The following NUCB2 variants were observed in gnomAD, a reference collection of about 807,000 sequenced individuals.
The protein encoded by NUCB2 is nucleobindin 2.
Under a neutral mutation model 57.9 loss-of-function variants are expected in NUCB2, and 48 were observed. That is an observed-to-expected ratio of 0.83 (90% CI 0.66 to 1.05). NUCB2 has a LOEUF of 1.05. Ranked by LOEUF, NUCB2 falls within the 50% of genes least tolerant of loss-of-function variation. NUCB2 has a pLI of 0.00. For missense variants in NUCB2, 442 were observed against 476.2 expected (o/e 0.93, Z 0.67); for synonymous variants, 139 against 152.1 (o/e 0.91, Z 0.64).
chr11:17,342,044 G>A (rs1952315690), intron 2 of NUCB2, among the ~76,000 whole-genome samples: 1 of 152,126 alleles, frequency 6.6e-6, no homozygotes, highest in Non-Finnish European at 1.5e-5. Flanking sequence ...TTTAGTCTTG[G>A]GAGGGTGTAT....
At chr11:17,341,027 TC>T (rs1952221351) in intron 2 of NUCB2, among the ~76,000 whole-genome samples, 1 of 152,192 alleles carries the variant, frequency 6.6e-6, no homozygotes, top group Non-Finnish European at 1.5e-5. Flanking sequence ...CTCGAAGAGG[TC>T]CTTCACGTCC....
In NUCB2 at chr11:17,330,239, A is replaced by G; in HGVS notation, c.1115A>G (p.Lys372Arg). ...AAGGCAGATGAGCTTCAGAAACAAAAAGAAGAGCTACAACGTCAGCATGAT... is the reference window on the plus strand; with the variant it reads ...AAGGCAGATGAGCTTCAGAAACAAAGAGAAGAGCTACAACGTCAGCATGAT... Reference protein sequence around the residue: ...KKKADELQKQKEELQRQHDQL... With the variant: ...KKKADELQKQREELQRQHDQL... The change falls in exon 12 of 14, where the codon AAA becomes AGA. Residue 372 changes from lysine (K) to arginine (R), a missense_variant. Coordinates refer to ENST00000529010, the MANE Select transcript of NUCB2 (RefSeq NM_005013.4). The surrounding 1 kb of genome is among the most constrained non-coding windows in gnomAD (Gnocchi z 4.3). The G allele has an allele frequency of 6.2e-7, 1 of 1,612,674 alleles. No homozygotes were observed. The highest frequency in any genetic ancestry group is 8.5e-7 in the Non-Finnish European group (1 of 1,179,466).
downstream of NUCB2, chr11:17,334,342 G>A (rs1951637164): frequency 6.6e-6 from 1 of 152,330 alleles, no homozygotes; most frequent in African/African-American, 2.4e-5. Context: ...GAAGCTGCCT[G>A]CTGGATTAGG....
At chr11:17,333,000 C>A (rs1951533723), downstream of NUCB2, 2 of 152,154 alleles carry the variant, frequency 1.3e-5, no homozygotes, top group African/African-American at 4.8e-5. Flanking sequence ...GTGTGAGCCA[C>A]CATGCCCAAG....
At chr11:17,285,929 G>T (rs1249767850) in intron 2 of NUCB2, among the ~76,000 whole-genome samples, 1 of 135,006 alleles carries the variant, frequency 7.4e-6, no homozygotes, top group African/African-American at 3.4e-5. Context: ...GCGCGCACGT[G>T]TGCGTACACA....
chr11:17,282,236 CTATA>C (rs71457870), intron 1 of NUCB2, among the ~76,000 whole-genome samples: 165 of 104,078 alleles, frequency 1.6e-3, no homozygotes, highest in African/African-American at 2.8e-3. Flanking sequence ...ATCTATCTAT[CTATA>C]TATATATATA....
At chr11:17,342,184 G>A (rs1482519375) in intron 2 of NUCB2, among the ~76,000 whole-genome samples, 2 of 151,998 alleles carry the variant, frequency 1.3e-5, no homozygotes, top group African/African-American at 2.4e-5. Flanking sequence ...ATTTTTTATT[G>A]CATCTATTTG....
chr11:17,342,006 TCTATTCAGA>T (rs1952312776), intron 2 of NUCB2, among the ~76,000 whole-genome samples: 1 of 152,200 alleles, frequency 6.6e-6, no homozygotes, highest in Admixed American at 6.5e-5. Flanking sequence ...CTGTTATTGG[TCTATTCAGA>T]GATTCAACTT....
intron 11 of NUCB2, among the ~76,000 whole-genome samples, chr11:17,326,561 T>C (rs986239584): frequency 1.3e-5 from 2 of 151,990 alleles, no homozygotes; most frequent in African/African-American, 4.8e-5. Flanking sequence ...TCAAGTGATC[T>C]GCCTACCTCG....
chr11:17,280,372 G>A (rs1165170410), intron 1 of NUCB2, among the ~76,000 whole-genome samples: 2 of 152,166 alleles, frequency 1.3e-5, no homozygotes, highest in African/African-American at 2.4e-5. Context: ...AACTCAGCTG[G>A]TCATACACTT....
intron 4 of NUCB2, among the ~76,000 whole-genome samples, chr11:17,298,516 C>T (rs765501277): frequency 8.6e-5 from 13 of 151,386 alleles, no homozygotes; most frequent in Non-Finnish European, 1.3e-4. Flanking sequence ...TGCAGTGAGC[C>T]ATGATTATAT....
intron 10 of NUCB2, among the ~76,000 whole-genome samples, chr11:17,313,724 C>G (rs887574689): frequency 2.0e-5 from 3 of 152,082 alleles, no homozygotes; most frequent in African/African-American, 7.2e-5. Context: ...ATGCTTTCTT[C>G]ACTTGGCTTT....
chr11:17,282,388 A>C (rs570682054), intron 1 of NUCB2, among the ~76,000 whole-genome samples: 1 of 151,668 alleles, frequency 6.6e-6, no homozygotes, highest in East Asian at 1.9e-4. Flanking sequence ...CCTCTTGAAT[A>C]GCTGGAACTA....
At chr11:17,318,689 C>T (rs529273382) in intron 11 of NUCB2, among the ~76,000 whole-genome samples, 2 of 152,274 alleles carry the variant, frequency 1.3e-5, no homozygotes, top group South Asian at 4.1e-4. Flanking sequence ...AAGAAACTCT[C>T]ACTGGCCAAA....
At position 17,282,830 on chromosome 11, in the gene NUCB2, A is replaced by G. The variant is rs1942986391; in HGVS notation, c.-114A>G. On this transcript the variant is annotated 5_prime_UTR_variant, in exon 2 of 14. Transcript: ENST00000529010. ...GTTTTTAGTGAAAAAACATTGAGCT[A>G]GGAGCCAAGACCCATCTCTTCACTA... is the stretch of plus-strand genomic sequence containing the variant. 1 of 152,098 alleles carries G rather than the reference A, an allele frequency of 6.6e-6. No homozygotes were observed. Among genetic ancestry groups the G allele is most frequent in the African/African-American group, 2.4e-5 (1 of 41,424 alleles). The allele number at this position is 152,098 out of a possible 1,614,324, so 9.4% of individuals were successfully genotyped here.
intron 2 of NUCB2, among the ~76,000 whole-genome samples, chr11:17,283,215 T>C (rs1375350133): frequency 6.6e-6 from 1 of 152,198 alleles, no homozygotes; most frequent in Admixed American, 6.6e-5. Flanking sequence ...CCAAGATAGC[T>C]GCCAGAGCTC....
chr11:17,282,027 A>T (rs1375111836), intron 1 of NUCB2, among the ~76,000 whole-genome samples: 1 of 151,644 alleles, frequency 6.6e-6, no homozygotes, highest in Non-Finnish European at 1.5e-5. Flanking sequence ...TAATTTTTTT[A>T]AATTGGTGGT....
chr11:17,327,271 G>C (rs960516985), intron 11 of NUCB2, among the ~76,000 whole-genome samples: 1 of 152,132 alleles, frequency 6.6e-6, no homozygotes, highest in African/African-American at 2.4e-5. Context: ...ACGTTGGCCA[G>C]GCTGGTCTTG....
At chr11:17,329,802 A>G (rs182601825) in intron 11 of NUCB2, among the ~76,000 whole-genome samples, 35 of 152,316 alleles carry the variant, frequency 2.3e-4, no homozygotes, top group Non-Finnish European at 1.0e-4. Context: ...GACAGCTGTT[A>G]AAATTTCATG....
Sources: gnomAD v4.1 joint callset for allele counts (sites outside exome capture counted in the v4.1 genomes callset) on GRCh38, gnomAD v4.1.1 for gene constraint, Gnocchi (gnomAD v3.1) non-coding constraint, MANE v1.5 for transcripts, NCBI Gene and HGNC (gene_info 2026-07-23, HGNC 2026-07-21) for gene names.